The following SHISA9 variants were observed in gnomAD, a reference collection of about 807,000 sequenced individuals.
SHISA9 encodes the protein protein shisa-9.
Under a neutral mutation model 38.0 loss-of-function variants are expected in SHISA9, and 13 were observed. That is an observed-to-expected ratio of 0.34 (90% CI 0.22 to 0.54). The LOEUF (loss-of-function observed/expected upper bound fraction) is 0.54. Among genes scored for constraint, SHISA9 ranks in the 20% least tolerant of loss-of-function variants. SHISA9 has a pLI of 0.91. For synonymous variants in SHISA9, 275 were observed against 242.0 expected (o/e 1.14, Z -1.27); for missense variants, 538 against 575.8 (o/e 0.93, Z 0.67).
the SHISA9 span, among the ~76,000 whole-genome samples, chr16:13,499,177 C>T: frequency 2.0e-5 from 3 of 152,206 alleles, no homozygotes. Flanking sequence ...ACTAAGTTGA[C>T]AGTTTGATCT....
the SHISA9 span, among the ~76,000 whole-genome samples, chr16:13,447,626 A>G: frequency 6.6e-6 from 1 of 152,194 alleles, no homozygotes; most frequent in Admixed American, 6.5e-5. Flanking sequence ...TGGAAGTTGG[A>G]ATCATTTTCT....
chr16:13,023,687 T>G (rs767904206), intron 2 of SHISA9, among the ~76,000 whole-genome samples: 12 of 152,212 alleles, frequency 7.9e-5, no homozygotes, highest in South Asian at 2.1e-4. Context: ...ATCCGTTGTT[T>G]CCTGACTTTT....
At chr16:13,330,356 A>G in the SHISA9 span, among the ~76,000 whole-genome samples, 1 of 152,210 alleles carries the variant, frequency 6.6e-6, no homozygotes, top group Non-Finnish European at 1.5e-5. Context: ...ATATTTAGCT[A>G]TCTTGTTAAC....
chr16:13,167,381 C>T (rs567043896), intron 2 of SHISA9, among the ~76,000 whole-genome samples: 1 of 152,106 alleles, frequency 6.6e-6, no homozygotes, highest in Non-Finnish European at 1.5e-5. Flanking sequence ...CACTTTACTC[C>T]TCTTCTCAGC....
At chr16:13,273,243 G>A in the SHISA9 span, among the ~76,000 whole-genome samples, 12 of 152,256 alleles carry the variant, frequency 7.9e-5, no homozygotes, top group African/African-American at 2.9e-4. Flanking sequence ...ACATCTCAAC[G>A]ACATGTCCTA....
the SHISA9 span, among the ~76,000 whole-genome samples, chr16:13,411,524 G>T: frequency 6.6e-6 from 1 of 152,240 alleles, no homozygotes; most frequent in Non-Finnish European, 1.5e-5. Context: ...AGCAGTCCAG[G>T]CCGGGAGGGC....
intron 2 of SHISA9, among the ~76,000 whole-genome samples, chr16:13,000,970 C>T (rs1279269998): frequency 6.6e-6 from 1 of 152,142 alleles, no homozygotes; most frequent in Non-Finnish European, 1.5e-5. Flanking sequence ...CACTCTGTCA[C>T]CCAGGTTGGA....
chr16:13,397,167 C>T, the SHISA9 span, among the ~76,000 whole-genome samples: 1 of 152,164 alleles, frequency 6.6e-6, no homozygotes, highest in Non-Finnish European at 1.5e-5. Context: ...TAACATAAAA[C>T]ATATGTGTTA....
chr16:13,430,055 GAAGA>G, the SHISA9 span, among the ~76,000 whole-genome samples: 16 of 152,278 alleles, frequency 1.1e-4, no homozygotes, highest in African/African-American at 3.6e-4. Context: ...GACACACCCA[GAAGA>G]AAGGCCATGT....
intron 2 of SHISA9, among the ~76,000 whole-genome samples, chr16:13,063,663 T>G (rs2141913579): frequency 6.6e-6 from 1 of 152,286 alleles, no homozygotes; most frequent in Middle Eastern, 3.4e-3. Context: ...AGCTCACCAC[T>G]TTCCAGCGAG....
chr16:13,035,221 A>G (rs1430003847), intron 2 of SHISA9, among the ~76,000 whole-genome samples: 1 of 152,204 alleles, frequency 6.6e-6, no homozygotes, highest in African/African-American at 2.4e-5. Flanking sequence ...AACTATGTAC[A>G]TTGCTGTGGT....
At chr16:13,245,746 T>C in the SHISA9 span, among the ~76,000 whole-genome samples, 1 of 152,212 alleles carries the variant, frequency 6.6e-6, no homozygotes, top group Non-Finnish European at 1.5e-5. Context: ...TGTGTCATTT[T>C]TTAAAACTGA....
At chr16:13,556,788 T>C in the SHISA9 span, among the ~76,000 whole-genome samples, 3 of 151,984 alleles carry the variant, frequency 2.0e-5, no homozygotes, top group Admixed American at 6.6e-5. Flanking sequence ...ATAAAAACAA[T>C]AATATAACAA....
At chr16:13,337,276 C>T in the SHISA9 span, among the ~76,000 whole-genome samples, 3 of 152,124 alleles carry the variant, frequency 2.0e-5, no homozygotes, top group African/African-American at 7.2e-5. Flanking sequence ...GAGCAGTTTC[C>T]CCCATACTGT....
chr16:13,333,608 G>A, the SHISA9 span, among the ~76,000 whole-genome samples: 4 of 152,164 alleles, frequency 2.6e-5, no homozygotes, highest in Non-Finnish European at 4.4e-5. Flanking sequence ...GGGATAAATT[G>A]TCTAACTTTG....
chr16:13,338,468 G>A, the SHISA9 span, among the ~76,000 whole-genome samples: 3 of 152,152 alleles, frequency 2.0e-5, no homozygotes, highest in Admixed American at 2.0e-4. Flanking sequence ...ATGTGTTGAG[G>A]CTGAGCAGAT....
intron 2 of SHISA9, among the ~76,000 whole-genome samples, chr16:13,189,919 G>C (rs1342036004): frequency 6.6e-6 from 1 of 152,116 alleles, no homozygotes; most frequent in African/African-American, 2.4e-5. Context: ...ACGATAGAAG[G>C]AATTAGGAGG....
At chr16:13,471,103 A>G in the SHISA9 span, among the ~76,000 whole-genome samples, 1 of 152,136 alleles carries the variant, frequency 6.6e-6, no homozygotes, top group Non-Finnish European at 1.5e-5. Flanking sequence ...TCTGGAGGAT[A>G]GAAAGGCTGA....
chr16:13,207,831 A>G (rs893691765), intron 3 of SHISA9, among the ~76,000 whole-genome samples: 2 of 152,240 alleles, frequency 1.3e-5, no homozygotes, highest in Admixed American at 1.3e-4. Flanking sequence ...AATGCATTTT[A>G]TTAATGAAAT....
Sources: gnomAD v4.1 joint callset for allele counts (sites outside exome capture counted in the v4.1 genomes callset) on GRCh38, gnomAD v4.1.1 for gene constraint, MANE v1.5 for transcripts, NCBI Gene and HGNC (gene_info 2026-07-23, HGNC 2026-07-21) for gene names.